TMED10: variants seen among roughly 807,000 people sequenced by gnomAD.
TMED10 encodes transmembrane p24 trafficking protein 10.
TMED10 carries 7 observed loss-of-function variants against 23.1 expected under a neutral mutation model. That is an observed-to-expected ratio of 0.30 (90% CI 0.17 to 0.57). The LOEUF (loss-of-function observed/expected upper bound fraction) is 0.57, where lower values mean the gene tolerates loss of function less well. Ranked by LOEUF, TMED10 falls within the 20% of genes least tolerant of loss-of-function variation. The pLI is 0.91. For missense variants in TMED10, 162 were observed against 274.8 expected, an observed-to-expected ratio of 0.59 and a Z score of 2.90; for synonymous variants, 113 against 106.9, an observed-to-expected ratio of 1.06 and a Z score of -0.35.
intron 1 of TMED10, among the ~76,000 whole-genome samples, chr14:75,153,839 G>A (rs898511684): frequency 1.4e-5 from 2 of 145,074 alleles, no homozygotes; most frequent in Admixed American, 7.2e-5. Flanking sequence ...GCGTGATCTC[G>A]GCTCTCTGCA....
At chr14:75,143,992 T>C (rs1015434687) in intron 3 of TMED10, among the ~76,000 whole-genome samples, 3 of 150,770 alleles carry the variant, frequency 2.0e-5, no homozygotes, top group African/African-American at 7.3e-5. Flanking sequence ...TCCTCCTTCC[T>C]GAGAGCACTC....
chr14:75,166,723 A>G (rs529488768), intron 1 of TMED10, among the ~76,000 whole-genome samples: 5 of 152,334 alleles, frequency 3.3e-5, no homozygotes, highest in Admixed American at 3.3e-4. Flanking sequence ...AATTCGATTT[A>G]TATTATTAAA....
intron 1 of TMED10, among the ~76,000 whole-genome samples, chr14:75,153,528 C>G (rs907185023): frequency 2.0e-5 from 3 of 152,162 alleles, no homozygotes; most frequent in African/African-American, 7.2e-5. Context: ...ATTTCTAGAG[C>G]ACGTGGCTGT....
At position 75,158,275 on chromosome 14, in the gene TMED10, T is replaced by A. The variant is rs531723945; in HGVS notation, c.226-6132A>T. Among the ~76,000 whole-genome samples, 4 of 152,302 alleles carry A rather than the reference T, an allele frequency of 2.6e-5. No individual in the cohort carries two copies. The South Asian group carries it at 8.3e-4, about 32-fold the overall frequency. ...AAGATTCTTAAAGGCCTCTTGTTTGTGTGATAATTTTTCTGAATCATAAAC... is the reference window on the plus strand; with the variant it reads ...AAGATTCTTAAAGGCCTCTTGTTTGAGTGATAATTTTTCTGAATCATAAAC... On this transcript the variant is annotated intron_variant, in intron 1 of 4. Transcript: ENST00000303575.
At chr14:75,155,994 G>C (rs747136187) in intron 1 of TMED10, among the ~76,000 whole-genome samples, 2 of 152,196 alleles carry the variant, frequency 1.3e-5, no homozygotes, top group African/African-American at 2.4e-5. Context: ...GAGAGGTTAA[G>C]TGCCTGGAGA....
At chr14:75,137,754 C>A (rs2139831386) in intron 3 of TMED10, among the ~76,000 whole-genome samples, 1 of 147,618 alleles carries the variant, frequency 6.8e-6, no homozygotes, top group East Asian at 2.0e-4. Context: ...GTTGCCCAGG[C>A]TGGAGTACAG....
intron 1 of TMED10, among the ~76,000 whole-genome samples, chr14:75,171,310 C>T (rs1338943314): frequency 1.1e-4 from 16 of 150,326 alleles, no homozygotes; most frequent in African/African-American, 3.9e-4. Context: ...GACAAAGTCT[C>T]GCTCTGTCAC....
chr14:75,169,259 G>A (rs1232415633), intron 1 of TMED10, among the ~76,000 whole-genome samples: 2 of 152,198 alleles, frequency 1.3e-5, no homozygotes, highest in East Asian at 3.8e-4. Flanking sequence ...AACACAGAGT[G>A]GTATATGATA....
intron 1 of TMED10, among the ~76,000 whole-genome samples, chr14:75,171,874 TG>T (rs1158192775): frequency 6.6e-6 from 1 of 151,992 alleles, no homozygotes; most frequent in East Asian, 1.9e-4. Context: ...AAAAGTACTG[TG>T]TGTTCCTGCA....
intron 1 of TMED10, among the ~76,000 whole-genome samples, chr14:75,173,166 A>G (rs1305544143): frequency 1.3e-5 from 2 of 152,244 alleles, no homozygotes. Flanking sequence ...TGGGCGGATC[A>G]CTTGAGCCCA....
At position 75,135,025 on chromosome 14, in the gene TMED10, A is replaced by T; in HGVS notation, c.539-19T>A. ...GTTGACTCTAAAAAAAAACAAAAGC[A>T]TTGTAAACATAATGAAGTGAGCCTC... On this transcript the variant is annotated intron_variant, in intron 4 of 4. Coordinates refer to ENST00000303575, the MANE Select transcript of TMED10 (RefSeq NM_006827.6). 6.2e-7 allele frequency: 1 copy of T among 1,613,628 alleles called. No homozygotes were observed. The highest frequency in any genetic ancestry group is 1.7e-4 in the Middle Eastern group (1 of 6,060).
chr14:75,167,427 C>T lies in TMED10; in HGVS notation c.225+8928G>A, dbSNP rs764334790. On this transcript the variant is annotated intron_variant, in intron 1 of 4. Transcript: ENST00000303575. ...CTGCCTCTCTCTCTTTTCTCCTCCT[C>T]GCCCCCACCCCCACCACTGTCCTTT... 6.6e-5 allele frequency among the ~76,000 whole-genome samples: 10 copies of T among 151,348 alleles called. No individual in the cohort carries two copies. In the South Asian group the frequency reaches 1.0e-3, roughly 16 times the overall value.
intron 1 of TMED10, among the ~76,000 whole-genome samples, chr14:75,165,912 C>T (rs890489074): frequency 6.6e-5 from 10 of 151,420 alleles, no homozygotes; most frequent in Non-Finnish European, 1.2e-4. Flanking sequence ...GATAGATGCT[C>T]TCTTCCTGCT....
chr14:75,147,364 T>C (rs1895899547), intron 3 of TMED10, among the ~76,000 whole-genome samples: 1 of 152,120 alleles, frequency 6.6e-6, no homozygotes, highest in Non-Finnish European at 1.5e-5. Context: ...TGGCTAATTT[T>C]TGTATTTTTA....
At chr14:75,157,350 G>C (rs1394852692) in intron 1 of TMED10, among the ~76,000 whole-genome samples, 1 of 152,202 alleles carries the variant, frequency 6.6e-6, no homozygotes, top group Non-Finnish European at 1.5e-5. Context: ...CATTATAGCA[G>C]TTAATAAATA....
chr14:75,156,254 G>T (rs893509632), intron 1 of TMED10, among the ~76,000 whole-genome samples: 5 of 151,898 alleles, frequency 3.3e-5, no homozygotes, highest in African/African-American at 1.2e-4. Context: ...TAGAGAGAAG[G>T]TGACAGATTT....
At chr14:75,163,270 G>A (rs1428064327) in intron 1 of TMED10, among the ~76,000 whole-genome samples, 8 of 151,558 alleles carry the variant, frequency 5.3e-5, no homozygotes, top group South Asian at 2.1e-4. Flanking sequence ...AAAAACTCAC[G>A]GGCCAGGCGC....
chr14:75,135,263 ACT>A (rs1198154575), intron 4 of TMED10, among the ~76,000 whole-genome samples: 2 of 151,908 alleles, frequency 1.3e-5, no homozygotes, highest in East Asian at 1.9e-4. Context: ...ATCCTGGCTA[ACT>A]CTGTCTCTAT....
rs118047986 is a variant in TMED10, at chr14:75,142,864, T to C, written c.411+4800A>G. 5.0e-3 allele frequency among the ~76,000 whole-genome samples: 757 copies of C among 152,236 alleles called. 3 individuals are homozygous for C. The highest frequency in any genetic ancestry group is 8.9e-3 in the Non-Finnish European group (608 of 68,014). ...CTGCATTGATTTTTTTTCTTTCTTTTTTTTATTTTTTTGAGATAGAGTTTT... is the reference window on the plus strand; with the variant it reads ...CTGCATTGATTTTTTTTCTTTCTTTCTTTTATTTTTTTGAGATAGAGTTTT... On this transcript the variant is annotated intron_variant, in intron 3 of 4. Coordinates refer to ENST00000303575, the MANE Select transcript of TMED10 (RefSeq NM_006827.6).
Sources: gnomAD v4.1 joint callset for allele counts (sites outside exome capture counted in the v4.1 genomes callset) on GRCh38, gnomAD v4.1.1 for gene constraint, MANE v1.5 for transcripts, NCBI Gene and HGNC (gene_info 2026-07-23, HGNC 2026-07-21) for gene names.